TRPM3: variants seen among roughly 807,000 people sequenced by gnomAD.
The protein encoded by TRPM3 is transient receptor potential cation channel subfamily M member 3, also known as long transient receptor potential channel 3.
Under a neutral mutation model 181.2 loss-of-function variants are expected in TRPM3, and 77 were observed. The ratio of observed to expected loss-of-function variants is 0.42; its 90% confidence interval spans 0.35 to 0.51. The LOEUF is 0.51. TRPM3 is among the 20% of genes least tolerant of loss of function. The probability of loss-of-function intolerance (pLI) is 0.01; values close to 1 mark genes in which losing one functional copy is unlikely to be tolerated. For missense variants in TRPM3, 1,759 were observed against 2,196.7 expected (o/e 0.80, Z 3.98); for synonymous variants, 745 against 796.4 (o/e 0.94, Z 1.09).
chr9:71,034,121 A>C (rs2057881810), intron 1 of TRPM3, among the ~76,000 whole-genome samples: 2 of 152,188 alleles, frequency 1.3e-5, no homozygotes. Context: ...TGTTACAACA[A>C]ATCGACATGG....
chr9:71,000,422 G>T (rs1334488429), intron 1 of TRPM3, among the ~76,000 whole-genome samples: 1 of 152,176 alleles, frequency 6.6e-6, no homozygotes, highest in South Asian at 2.1e-4. Context: ...CCATGGCCAG[G>T]CCTCTGTGGT....
rs756835607 is a variant in TRPM3, at chr9:70,671,929, A to AGTT, written c.1345+9576_1345+9577insAAC. ...CAGGCATGTGCCACCATGTCCAGCT[A>AGTT]ATTTTTTTTTTTTTTTTTTAAGTAG... On this transcript the variant is annotated intron_variant, in intron 9 of 25. Coordinates refer to ENST00000677713, the MANE Select transcript of TRPM3 (RefSeq NM_001366145.2). Among the ~76,000 whole-genome samples, 267 of 98,524 alleles carry AGTT rather than the reference A, an allele frequency of 2.7e-3. 9 individuals carry two copies. Among genetic ancestry groups the AGTT allele is most frequent in the Admixed American group, 3.1e-3 (36 of 11,630 alleles). The allele number at this position is 98,524 out of a possible 152,430, so 64.6% of individuals were successfully genotyped here.
chr9:71,174,565 A>G (rs1198377620), intron 1 of TRPM3, among the ~76,000 whole-genome samples: 1 of 152,096 alleles, frequency 6.6e-6, no homozygotes, highest in Admixed American at 6.6e-5. Context: ...AAATGAAGTT[A>G]CAGCTTTGGA....
At chr9:71,319,363 G>C (rs959458396) in intron 1 of TRPM3, among the ~76,000 whole-genome samples, 4 of 152,146 alleles carry the variant, frequency 2.6e-5, no homozygotes, top group African/African-American at 9.7e-5. Flanking sequence ...AAAGGACTGA[G>C]AACCAGTGAA....
intron 9 of TRPM3, among the ~76,000 whole-genome samples, chr9:70,653,621 A>C (rs1589827224): frequency 6.6e-6 from 1 of 151,776 alleles, no homozygotes; most frequent in East Asian, 1.9e-4. Flanking sequence ...AAAACAAAAC[A>C]ATACAAAACA....
chr9:70,773,076 AC>A (rs768891349), intron 7 of TRPM3, among the ~76,000 whole-genome samples: 1 of 152,190 alleles, frequency 6.6e-6, no homozygotes, highest in Non-Finnish European at 1.5e-5. Flanking sequence ...CATTGGTGCA[AC>A]ACTTACTCAC....
chr9:70,603,183 C>T (rs1280907592), intron 20 of TRPM3, among the ~76,000 whole-genome samples, 159 bp downstream of exon 20: 4 of 152,194 alleles, frequency 2.6e-5, no homozygotes, highest in Admixed American at 2.6e-4. Flanking sequence ...TGTGAAGCCT[C>T]CCCAGGTTTG....
At chr9:71,030,163 A>C (rs1259300904) in intron 1 of TRPM3, among the ~76,000 whole-genome samples, 1 of 152,216 alleles carries the variant, frequency 6.6e-6, no homozygotes, top group Non-Finnish European at 1.5e-5. Context: ...TATTTTGTAA[A>C]GTTTGTTTAA....
chr9:70,847,952 G>A (rs999557084), intron 3 of TRPM3, among the ~76,000 whole-genome samples: 7 of 152,052 alleles, frequency 4.6e-5, no homozygotes, highest in African/African-American at 1.5e-4. Context: ...TAATTCTCAC[G>A]GGGAAATAAG....
At chr9:71,420,727 G>GAGAGAGAAAGAGAGAGAGAA (rs1565557032) in intron 1 of TRPM3, among the ~76,000 whole-genome samples, 2 of 45,310 alleles carry the variant, frequency 4.4e-5, no homozygotes, top group African/African-American at 2.1e-4. Flanking sequence ...GAGAAAGAGA[G>GAGAGAGAAAGAGAGAGAGAA]AGAGAGAGAA....
intron 5 of TRPM3, among the ~76,000 whole-genome samples, chr9:70,835,195 A>G (rs1424330791): frequency 6.6e-6 from 1 of 152,124 alleles, no homozygotes; most frequent in Non-Finnish European, 1.5e-5. Flanking sequence ...TGTTTCTCTT[A>G]CAGACTGCAG....
intron 1 of TRPM3, among the ~76,000 whole-genome samples, chr9:71,014,291 T>C (rs1239406747): frequency 1.3e-5 from 2 of 152,234 alleles, no homozygotes; most frequent in South Asian, 2.1e-4. Flanking sequence ...TTCCACTTTA[T>C]TTCTCAGAAT....
chr9:70,761,655 G>C lies in TRPM3; in HGVS notation c.1218C>G (p.Thr406=). 3.1e-6 allele frequency: 5 copies of C among 1,613,914 alleles called. No individual in the cohort carries two copies. Among genetic ancestry groups the C allele is most frequent in the Non-Finnish European group, 4.2e-6 (5 of 1,179,910 alleles). The change falls in exon 8 of 26, where the codon ACC becomes ACG. Residue 406 remains threonine (T), a synonymous_variant. Transcript: ENST00000677713. ...TIQKTFTYTR[T]QAQHLFIILM... is the part of the protein sequence containing the mutation. ...GGATGATGAACAGATGCTGAGCTTG[G>C]GTTCGAGTGTATGTGAAAGTCTTCT...
At chr9:70,628,723 G>A (rs1216945270) in intron 12 of TRPM3, among the ~76,000 whole-genome samples, 1 of 148,972 alleles carries the variant, frequency 6.7e-6, no homozygotes, top group African/African-American at 2.5e-5. Flanking sequence ...TCAGGAGGCT[G>A]AGGCAGAATC....
At chr9:71,425,285 T>C (rs7868777) in intron 1 of TRPM3, among the ~76,000 whole-genome samples, 87,779 of 151,974 alleles carry the variant, frequency 0.58, 29,718 homozygotes, top group Non-Finnish European at 0.76. Flanking sequence ...TCTTTTTGGG[T>C]TCTAGTCACA....
chr9:71,082,057 G>A (rs550933882), intron 1 of TRPM3, among the ~76,000 whole-genome samples: 7 of 152,250 alleles, frequency 4.6e-5, no homozygotes, highest in Non-Finnish European at 1.0e-4. Context: ...TAGAAAAAGT[G>A]AATCTGACTA....
chr9:71,263,955 A>G (rs1321024320), intron 1 of TRPM3, among the ~76,000 whole-genome samples: 1 of 152,050 alleles, frequency 6.6e-6, no homozygotes, highest in Non-Finnish European at 1.5e-5. Context: ...AATTTTTATT[A>G]AAATTTCTTG....
At chr9:71,265,650 C>T (rs2083339600) in intron 1 of TRPM3, among the ~76,000 whole-genome samples, 1 of 152,204 alleles carries the variant, frequency 6.6e-6, no homozygotes, top group African/African-American at 2.4e-5. Flanking sequence ...TAATTGCTTA[C>T]ACTCCTCCAT....
intron 8 of TRPM3, among the ~76,000 whole-genome samples, chr9:70,688,674 C>T (rs1380704167): frequency 3.3e-5 from 5 of 152,192 alleles, no homozygotes; most frequent in South Asian, 4.1e-4. Context: ...GGATCCTTTA[C>T]GTTGTTTCTA....
Sources: gnomAD v4.1 joint callset for allele counts (sites outside exome capture counted in the v4.1 genomes callset) on GRCh38, gnomAD v4.1.1 for gene constraint, MANE v1.5 for transcripts, NCBI Gene and HGNC (gene_info 2026-07-23, HGNC 2026-07-21) for gene names.